ELMO1: variants seen among roughly 807,000 people sequenced by gnomAD.
ELMO1 encodes the protein engulfment and cell motility 1, also known as engulfment and cell motility protein 1.
In ELMO1, 26 loss-of-function variants were observed where a neutral mutation model predicts 98.9. That is an observed-to-expected ratio of 0.26 (90% CI 0.19 to 0.36). ELMO1 has a LOEUF of 0.36. Among genes scored for constraint, ELMO1 ranks in the 10% least tolerant of loss-of-function variants. The probability of loss-of-function intolerance (pLI) is 1.00; values close to 1 mark genes in which losing one functional copy is unlikely to be tolerated. For missense variants in ELMO1, 627 were observed against 935.2 expected (o/e 0.67, Z 4.30); for synonymous variants, 346 against 346.0 (o/e 1.00, Z 0.00).
intron 1 of ELMO1, among the ~76,000 whole-genome samples, chr7:37,435,402 T>A (rs188253131): frequency 6.6e-6 from 1 of 152,316 alleles, no homozygotes; most frequent in Non-Finnish European, 1.5e-5. Flanking sequence ...GATCCAATAC[T>A]CTTCAAAGCA....
chr7:37,148,242 T>C (rs1384839135), intron 13 of ELMO1, among the ~76,000 whole-genome samples: 1 of 152,228 alleles, frequency 6.6e-6, no homozygotes, highest in Non-Finnish European at 1.5e-5. Context: ...TGCCTTCAAG[T>C]AACTTCTATT....
chr7:37,208,676 C>T (rs754150438), intron 13 of ELMO1, among the ~76,000 whole-genome samples: 1 of 152,126 alleles, frequency 6.6e-6, no homozygotes, highest in Non-Finnish European at 1.5e-5. Flanking sequence ...AATGACCATG[C>T]GGTTCTGTTT....
At chr7:36,865,089 G>A (rs1045780091) in intron 20 of ELMO1, among the ~76,000 whole-genome samples, 1 of 152,214 alleles carries the variant, frequency 6.6e-6, no homozygotes, top group Non-Finnish European at 1.5e-5. Flanking sequence ...ATGAGGAACC[G>A]ACTGATAACA....
At chr7:37,089,367 C>A (rs910784363) in intron 15 of ELMO1, among the ~76,000 whole-genome samples, 12 of 151,858 alleles carry the variant, frequency 7.9e-5, no homozygotes, top group African/African-American at 2.9e-4. Flanking sequence ...TAAAAAAAAA[C>A]CCAGAGCAGT....
At chr7:37,405,514 C>T (rs1803718381) in intron 1 of ELMO1, among the ~76,000 whole-genome samples, 1 of 152,184 alleles carries the variant, frequency 6.6e-6, no homozygotes, top group African/African-American at 2.4e-5. Context: ...AAATGAAATG[C>T]ACAGAATCGC....
chr7:37,049,769 TTTTG>T (rs1188642483), intron 15 of ELMO1, among the ~76,000 whole-genome samples: 2 of 148,578 alleles, frequency 1.3e-5, no homozygotes, highest in African/African-American at 2.5e-5. Flanking sequence ...CCCAGTTTTG[TTTTG>T]TTTCTTTTTT....
intron 17 of ELMO1, among the ~76,000 whole-genome samples, chr7:36,887,942 A>G (rs190623553): frequency 1.4e-4 from 22 of 152,242 alleles, no homozygotes; most frequent in Non-Finnish European, 2.6e-4. Context: ...TGTCCTGAAA[A>G]TTTTCTTCTT....
At chr7:37,245,079 T>C (rs1313190049) in intron 6 of ELMO1, among the ~76,000 whole-genome samples, 3 of 152,126 alleles carry the variant, frequency 2.0e-5, no homozygotes, top group Non-Finnish European at 4.4e-5. Flanking sequence ...GCTTTAAGTA[T>C]GATCTTCCCT....
chr7:37,026,182 C>CTTA (rs1794566114), intron 15 of ELMO1, among the ~76,000 whole-genome samples: 1 of 152,100 alleles, frequency 6.6e-6, no homozygotes, highest in Non-Finnish European at 1.5e-5. Flanking sequence ...GCCTGTCCAA[C>CTTA]CATGTGAGAT....
intron 4 of ELMO1, among the ~76,000 whole-genome samples, chr7:37,280,788 G>A (rs1797095038): frequency 6.6e-6 from 1 of 152,138 alleles, no homozygotes. Context: ...TGGAAACAGT[G>A]TGGAGATTCC....
intron 16 of ELMO1, among the ~76,000 whole-genome samples, chr7:36,970,150 A>G (rs1789792583): frequency 6.7e-6 from 1 of 149,084 alleles, no homozygotes; most frequent in Admixed American, 6.7e-5. Context: ...ACACACACAC[A>G]AACACACACA....
At chr7:37,340,048 T>A (rs1188566904) in intron 2 of ELMO1, among the ~76,000 whole-genome samples, 1 of 152,038 alleles carries the variant, frequency 6.6e-6, no homozygotes, top group African/African-American at 2.4e-5. Context: ...TAAAGATCAA[T>A]GGAGATCAAA....
At chr7:37,025,616 T>A (rs1361941882) in intron 15 of ELMO1, among the ~76,000 whole-genome samples, 1 of 150,828 alleles carries the variant, frequency 6.6e-6, no homozygotes, top group East Asian at 1.9e-4. Flanking sequence ...AGCTGGGACA[T>A]CTCGTCTCAT....
At chr7:37,049,740 C>CAGT (rs1469874438) in intron 15 of ELMO1, among the ~76,000 whole-genome samples, 1 of 150,816 alleles carries the variant, frequency 6.6e-6, no homozygotes, top group East Asian at 1.9e-4. Flanking sequence ...AACTGATTGG[C>CAGT]AGAAATAAAA....
At chr7:37,399,257 T>C (rs945467006) in intron 1 of ELMO1, among the ~76,000 whole-genome samples, 2 of 152,226 alleles carry the variant, frequency 1.3e-5, no homozygotes, top group African/African-American at 4.8e-5. Flanking sequence ...GAGACAGAGA[T>C]GGGAGCAAAT....
At chr7:37,383,489 TG>T (rs1802661307) in intron 1 of ELMO1, among the ~76,000 whole-genome samples, 1 of 152,258 alleles carries the variant, frequency 6.6e-6, no homozygotes, top group African/African-American at 2.4e-5. Context: ...GTTATCTTCC[TG>T]GTGAGTTAAT....
At chr7:37,021,659 C>T (rs1192047246) in intron 15 of ELMO1, among the ~76,000 whole-genome samples, 1 of 151,284 alleles carries the variant, frequency 6.6e-6, no homozygotes, top group East Asian at 1.9e-4. Context: ...GCCTCTATAT[C>T]CCCATTAAAA....
intron 18 of ELMO1, among the ~76,000 whole-genome samples, chr7:36,887,114 G>A (rs1805076514): frequency 1.3e-5 from 2 of 152,180 alleles, no homozygotes; most frequent in Admixed American, 1.3e-4. Context: ...GCCCTTTAGT[G>A]CCTCTATTTC....
intron 15 of ELMO1, among the ~76,000 whole-genome samples, chr7:37,082,244 T>A (rs902045638): frequency 2.0e-5 from 3 of 151,808 alleles, no homozygotes; most frequent in Non-Finnish European, 2.9e-5. Flanking sequence ...GATGCTTGCA[T>A]GGGAAAATAG....
Sources: allele counts gnomAD v4.1 joint callset (sites outside exome capture counted in the v4.1 genomes callset), GRCh38; gene constraint gnomAD v4.1.1; transcripts MANE v1.5; gene names NCBI Gene and HGNC (gene_info 2026-07-23, HGNC 2026-07-21).